The following GPR143 variants were observed in gnomAD, a reference collection of about 807,000 sequenced individuals.
The protein encoded by GPR143 is G-protein coupled receptor 143.
A neutral mutation model predicts 27.6 loss-of-function variants in GPR143; 8 were observed. That is an observed-to-expected ratio of 0.29 (90% CI 0.17 to 0.52). GPR143 has a LOEUF of 0.52. Ranked by LOEUF, GPR143 falls within the 20% of genes least tolerant of loss-of-function variation. The probability of loss-of-function intolerance (pLI) is 0.96; values close to 1 mark genes in which losing one functional copy is unlikely to be tolerated. For synonymous variants in GPR143, 156 were observed against 153.2 expected (o/e 1.02, Z -0.13); for missense variants, 303 against 343.1 (o/e 0.88, Z 0.92).
intron 3 of GPR143, among the ~76,000 whole-genome samples, chrX:9,749,510 A>G (rs773770839): frequency 2.7e-5 from 3 of 111,616 alleles, no homozygotes; most frequent in African/African-American, 9.8e-5. Flanking sequence ...TGTTCTGGAT[A>G]TTTCATGTAA....
chrX:9,760,049 T>C (rs1316384767), intron 2 of GPR143, among the ~76,000 whole-genome samples: 1 of 111,983 alleles, frequency 8.9e-6, no homozygotes, highest in Non-Finnish European at 1.9e-5. Flanking sequence ...ATATATGATA[T>C]CTATTTACTT....
At chrX:9,777,484 C>T (rs1413152156) in intron 1 of GPR143, among the ~76,000 whole-genome samples, 2 of 111,601 alleles carry the variant, frequency 1.8e-5, no homozygotes, top group Non-Finnish European at 3.8e-5. Context: ...CCGTACGTAT[C>T]GTATTTTATT....
chrX:9,760,851 T>C lies in GPR143; in HGVS notation c.251-25A>G, dbSNP rs2083495524. 5.0e-6 allele frequency: 4 copies of C among 808,005 alleles called. No individual in the cohort carries two copies. In the East Asian group the frequency reaches 1.3e-4, roughly 26 times the overall value. 66.6% of individuals were successfully genotyped at this position (808,005 alleles called of 1,213,427 possible). On this transcript the variant is annotated intron_variant, in intron 1 of 8. Coordinates refer to ENST00000467482, the MANE Select transcript of GPR143 (RefSeq NM_000273.3). ...CCTAAGAGAGAATTGGATAATACTT[T>C]GTATCTGATCCTAATCAAATATAAA... is the stretch of plus-strand genomic sequence containing the variant.
At position 9,739,714 on chromosome X, in the gene GPR143, G is replaced by A. The variant is rs1484179813; in HGVS notation, c.891C>T (p.Ile297=). Residue 297 remains isoleucine (I), a synonymous_variant, in exon 8 of 9, where the codon ATC becomes ATT. Transcript: ENST00000467482. ...AAKTTWFIMG[I]LNPAQGFLLS... ...AGAGAAATCCCTGGGCTGGATTCAG[G>A]ATTCCCTGGAGAGAGGACAGAAAGA... The A allele has an allele frequency of 8.8e-7, 1 of 1,134,571 alleles. No individual in the cohort carries two copies. 93.5% of individuals were successfully genotyped at this position (1,134,571 alleles called of 1,213,427 possible).
intron 1 of GPR143, among the ~76,000 whole-genome samples, chrX:9,761,218 C>G (rs978104882): frequency 1.8e-5 from 2 of 111,002 alleles, no homozygotes; most frequent in East Asian, 2.8e-4. Context: ...CTCAGCCTCC[C>G]GAGTGGCTGG....
intron 1 of GPR143, among the ~76,000 whole-genome samples, chrX:9,761,477 T>G (rs777352917): frequency 8.9e-6 from 1 of 112,689 alleles, no homozygotes; most frequent in South Asian, 3.6e-4. Flanking sequence ...ATCCCTATTT[T>G]GTTTGTCTGT....
chrX:9,775,036 A>T (rs2083566854), intron 1 of GPR143, among the ~76,000 whole-genome samples: 1 of 110,920 alleles, frequency 9.0e-6, no homozygotes, highest in Non-Finnish European at 1.9e-5. Flanking sequence ...GCTAACTTTA[A>T]AAAAATGTAA....
At chrX:9,754,377 G>A (rs1054514731) in intron 3 of GPR143, among the ~76,000 whole-genome samples, 14 of 111,625 alleles carry the variant, frequency 1.3e-4, no homozygotes, top group Middle Eastern at 4.6e-3. Flanking sequence ...GTGAGGGTTG[G>A]GGGTATGTCT....
chrX:9,756,613 A>G (rs2083474999), intron 3 of GPR143, among the ~76,000 whole-genome samples: 2 of 112,830 alleles, frequency 1.8e-5, no homozygotes, highest in South Asian at 7.2e-4. Context: ...GAAGATATAT[A>G]CATGACCAAT....
At chrX:9,765,135 C>G (rs1310630541) in intron 1 of GPR143, among the ~76,000 whole-genome samples, 1 of 112,793 alleles carries the variant, frequency 8.9e-6, no homozygotes, top group Non-Finnish European at 1.9e-5. Context: ...AACCCGCTAG[C>G]CGTGCGCCAT....
intron 8 of GPR143, 138 bp from the exon 9 acceptor site, chrX:9,725,978 T>C: frequency 2.5e-6 from 1 of 403,855 alleles, no homozygotes; most frequent in Non-Finnish European, 2.8e-6. Context: ...TCATCTCATC[T>C]GCAAAAAAAA....
chrX:9,751,042 G>A (rs895720323), intron 3 of GPR143, among the ~76,000 whole-genome samples: 2 of 112,591 alleles, frequency 1.8e-5, no homozygotes, highest in East Asian at 2.8e-4. Context: ...GGTTTGAACC[G>A]AATGCAAACA....
At chrX:9,747,373 G>A (rs1020977828) in intron 4 of GPR143, among the ~76,000 whole-genome samples, 4 of 111,374 alleles carry the variant, frequency 3.6e-5, no homozygotes, top group Non-Finnish European at 7.5e-5. Flanking sequence ...AGCACCTCAA[G>A]GCTCCCTGTG....
intron 8 of GPR143, among the ~76,000 whole-genome samples, chrX:9,730,684 A>T (rs1051555017): frequency 3.4e-4 from 38 of 112,142 alleles, no homozygotes; most frequent in Non-Finnish European, 4.1e-4. Flanking sequence ...CTGGTCTAAC[A>T]GCTTACTAGA....
intron 1 of GPR143, among the ~76,000 whole-genome samples, chrX:9,773,480 TAC>T (rs57491053): frequency 0.068 from 6,935 of 102,553 alleles, 300 homozygotes; most frequent in African/African-American, 0.16. Flanking sequence ...GCTTTGAAAG[TAC>T]ACACACACAC....
intron 3 of GPR143, among the ~76,000 whole-genome samples, chrX:9,750,924 G>A (rs1036533157): frequency 3.6e-5 from 4 of 112,532 alleles, no homozygotes; most frequent in African/African-American, 1.3e-4. Flanking sequence ...CAGCCTGGAC[G>A]GACTAAGACT....
upstream of GPR143, among the ~76,000 whole-genome samples, chrX:9,767,576 CAAT>C (rs201050303): frequency 0.052 from 5,774 of 111,308 alleles, 158 homozygotes; most frequent in Non-Finnish European, 0.076. Flanking sequence ...TATTTAACAA[CAAT>C]GAGGTGCAAA....
intron 3 of GPR143, among the ~76,000 whole-genome samples, chrX:9,752,785 G>A (rs1312530242): frequency 2.7e-5 from 3 of 111,342 alleles, no homozygotes; most frequent in Non-Finnish European, 5.7e-5. Flanking sequence ...GTTGAAGGTT[G>A]CAGTGAGCTG....
chrX:9,753,625 C>A (rs1443398608), intron 3 of GPR143, among the ~76,000 whole-genome samples: 1 of 111,250 alleles, frequency 9.0e-6, no homozygotes, highest in African/African-American at 3.3e-5. Context: ...GGTTTCCCAA[C>A]AGAAGGACAT....
Sources: allele counts gnomAD v4.1 joint callset (sites outside exome capture counted in the v4.1 genomes callset), GRCh38; gene constraint gnomAD v4.1.1; transcripts MANE v1.5; gene names NCBI Gene and HGNC (gene_info 2026-07-23, HGNC 2026-07-21).